AGK: variants seen among roughly 807,000 people sequenced by gnomAD.
The protein encoded by AGK is acylglycerol kinase, mitochondrial.
A neutral mutation model predicts 66.4 loss-of-function variants in AGK; 52 were observed. The observed-to-expected ratio is 0.78, with a 90% CI of 0.63 to 0.99. The LOEUF (loss-of-function observed/expected upper bound fraction) is 0.99, where lower values mean the gene tolerates loss of function less well. Among genes scored for constraint, AGK ranks in the 50% least tolerant of loss-of-function variants. The probability of loss-of-function intolerance (pLI) is 0.00; values close to 1 mark genes in which losing one functional copy is unlikely to be tolerated. For synonymous variants in AGK, 182 were observed against 181.1 expected (o/e 1.00, Z -0.04); for missense variants, 451 against 506.6 (o/e 0.89, Z 1.05).
chr7:141,603,753 G>C (rs963642297), intron 5 of AGK, among the ~76,000 whole-genome samples: 1 of 152,102 alleles, frequency 6.6e-6, no homozygotes, highest in Non-Finnish European at 1.5e-5. Flanking sequence ...CTTTACTCAC[G>C]TCTCCAAGTT....
intron 2 of AGK, among the ~76,000 whole-genome samples, chr7:141,582,374 C>T (rs1466561764): frequency 2.0e-5 from 3 of 151,906 alleles, no homozygotes; most frequent in African/African-American, 7.3e-5. Flanking sequence ...AATTGCAATT[C>T]AGAAATACGT....
At chr7:141,557,974 C>T (rs1795248248) in intron 2 of AGK, among the ~76,000 whole-genome samples, 1 of 152,088 alleles carries the variant, frequency 6.6e-6, no homozygotes, top group South Asian at 2.1e-4. Flanking sequence ...AAAACTGAAA[C>T]TCTGTACCCA....
intron 3 of AGK, chr7:141,594,017 CCT>C (rs1162441273): frequency 2.0e-5 from 3 of 152,330 alleles, no homozygotes; most frequent in Admixed American, 6.5e-5. Flanking sequence ...TAAATTAATT[CCT>C]CTCTTTAGCA....
At chr7:141,647,607 C>T (rs2117025093) in intron 13 of AGK, among the ~76,000 whole-genome samples, 1 of 152,288 alleles carries the variant, frequency 6.6e-6, no homozygotes, top group Middle Eastern at 3.4e-3. Flanking sequence ...ATGGGCCTCA[C>T]CCCAGATCTA....
At chr7:141,645,953 G>A (rs1436059915) in intron 13 of AGK, among the ~76,000 whole-genome samples, 1 of 152,074 alleles carries the variant, frequency 6.6e-6, no homozygotes, top group Non-Finnish European at 1.5e-5. Flanking sequence ...AACTATATGA[G>A]ACATTGGTAT....
At chr7:141,624,885 A>G (rs1796903545) in intron 9 of AGK, among the ~76,000 whole-genome samples, 1 of 152,228 alleles carries the variant, frequency 6.6e-6, no homozygotes, top group Middle Eastern at 3.2e-3. Context: ...AACTGCATAC[A>G]TGCTGCAGAT....
chr7:141,635,005 T>A (rs547118337), intron 10 of AGK, among the ~76,000 whole-genome samples: 5 of 149,052 alleles, frequency 3.4e-5, no homozygotes, highest in African/African-American at 1.3e-4. Context: ...TATGGGATTC[T>A]ACAAATTACC....
chr7:141,579,598 G>A (rs1018992926), intron 2 of AGK, among the ~76,000 whole-genome samples: 3 of 151,926 alleles, frequency 2.0e-5, no homozygotes, highest in East Asian at 3.9e-4. Context: ...GCAAATCCCC[G>A]AGCTTGATGA....
chr7:141,636,635 C>G (rs1797175837), intron 10 of AGK, among the ~76,000 whole-genome samples: 1 of 152,150 alleles, frequency 6.6e-6, no homozygotes, highest in African/African-American at 2.4e-5. Flanking sequence ...AGGGACAACT[C>G]TATACCAAAC....
At chr7:141,590,981 T>C (rs1796101077) in intron 2 of AGK, among the ~76,000 whole-genome samples, 1 of 152,108 alleles carries the variant, frequency 6.6e-6, no homozygotes, top group Non-Finnish European at 1.5e-5. Context: ...TGTGCTGGAT[T>C]TCACAAGGGG....
chr7:141,651,346 G>A (rs1797552401), intron 14 of AGK, among the ~76,000 whole-genome samples, 179 bp from the exon 15 acceptor site: 1 of 152,200 alleles, frequency 6.6e-6, no homozygotes, highest in Non-Finnish European at 1.5e-5. Context: ...AGTCTAGAAT[G>A]TATCACAAGG....
chr7:141,607,939 AT>A, intron 5 of AGK, among the ~76,000 whole-genome samples: 1 of 152,180 alleles, frequency 6.6e-6, no homozygotes, highest in Non-Finnish European at 1.5e-5. Flanking sequence ...AATCTTTGAA[AT>A]TATGGTCTGT....
chr7:141,604,984 C>T (rs148195456), intron 5 of AGK, among the ~76,000 whole-genome samples: 324 of 149,538 alleles, frequency 2.2e-3, no homozygotes, highest in Admixed American at 4.7e-3. Context: ...TTTTTAAGAA[C>T]GTCCTTCAGT....
intron 8 of AGK, among the ~76,000 whole-genome samples, chr7:141,617,635 G>C (rs776249377): frequency 1.2e-4 from 18 of 152,184 alleles, no homozygotes; most frequent in Non-Finnish European, 2.2e-4. Context: ...ATGCTACAGT[G>C]CTGCTTTATT....
chr7:141,641,546 A>T (rs1244081347), intron 12 of AGK, 148 bp downstream of exon 12: 11 of 926,644 alleles, frequency 1.2e-5, no homozygotes, highest in Non-Finnish European at 3.2e-6. Context: ...GTGCCACCAG[A>T]GCAGGCCCAA....
chr7:141,565,203 T>G (rs1307658761), intron 2 of AGK, among the ~76,000 whole-genome samples: 1 of 152,218 alleles, frequency 6.6e-6, no homozygotes, highest in African/African-American at 2.4e-5. Context: ...TATAAAGACC[T>G]CTTTTGAATT....
chr7:141,562,359 A>G (rs1795368754), intron 2 of AGK, among the ~76,000 whole-genome samples: 1 of 152,226 alleles, frequency 6.6e-6, no homozygotes, highest in Non-Finnish European at 1.5e-5. Context: ...TGAACTTGCC[A>G]TAAGTTGGGG....
intron 5 of AGK, among the ~76,000 whole-genome samples, chr7:141,602,376 T>C (rs1796368027): frequency 6.6e-6 from 1 of 152,184 alleles, no homozygotes; most frequent in Non-Finnish European, 1.5e-5. Context: ...TTAAATTTCT[T>C]TAACAGTTCT....
At chr7:141,567,491 A>C (rs1795498575) in intron 2 of AGK, among the ~76,000 whole-genome samples, 1 of 151,850 alleles carries the variant, frequency 6.6e-6, no homozygotes, top group Non-Finnish European at 1.5e-5. Context: ...CCCAAGTTTC[A>C]AAGAAAAAAA....
Sources: allele counts gnomAD v4.1 joint callset (sites outside exome capture counted in the v4.1 genomes callset), GRCh38; gene constraint gnomAD v4.1.1; transcripts MANE v1.5; gene names NCBI Gene and HGNC (gene_info 2026-07-23, HGNC 2026-07-21).